TLE7: variants seen among roughly 807,000 people sequenced by gnomAD.
TLE7 encodes transducin-like enhancer protein 7.
At chr16:71,432,038 G>A (rs1342935618) in intron 5 of TLE7, 36 bp from the exon 6 acceptor site, 1 of 400,732 alleles carries the variant, frequency 2.5e-6, no homozygotes, top group Non-Finnish European at 4.4e-6. Context: ...TATCCCCTTG[G>A]GGCACCGAAC....
At chr16:71,438,440 A>AAG (rs57186187) in intron 1 of TLE7, among the ~76,000 whole-genome samples, 15,673 of 128,586 alleles carry the variant, frequency 0.12, 1,443 homozygotes, top group African/African-American at 0.16. Context: ...AAAAAAAAAA[A>AAG]AGAGAGAGAG....
chr16:71,431,158 T>C lies in TLE7; in HGVS notation c.1110A>G (p.Lys370=). The change falls in exon 8 of 10, where the codon AAA becomes AAG. Residue 370 remains lysine, a synonymous_variant. Coordinates refer to ENST00000561754, the MANE Select transcript of TLE7 (RefSeq NM_001367365.2). This position sits in a 1 kb window ranked among gnomAD's most constrained non-coding sequence, Gnocchi z 4.5. ...RNEQFKALMK[K]YTRHHSLKFA... ...ACTTGAGGCTGTGGTGGCGGGTGTA[T>C]TTTTTCATGAGAGCCTTAAACTGCT... The C allele has an allele frequency of 2.5e-6, 1 of 400,730 alleles. No individual in the cohort carries two copies. The highest frequency in any genetic ancestry group is 4.4e-6 in the Non-Finnish European group (1 of 226,242). The allele number at this position is 400,730 out of a possible 1,614,324, so 24.8% of individuals were successfully genotyped here. A position where few individuals can be genotyped will look rare whatever the true frequency, so the allele number is the denominator to read the frequency against.
intron 1 of TLE7, among the ~76,000 whole-genome samples, chr16:71,441,088 C>T (rs2042845960): frequency 6.6e-6 from 1 of 152,206 alleles, no homozygotes; most frequent in Admixed American, 6.5e-5. Context: ...GTCCTGGGTC[C>T]ATCTCTTATC....
intron 4 of TLE7, 48 bp downstream of exon 4, chr16:71,432,617 G>A (rs2042810571): frequency 2.5e-6 from 1 of 398,700 alleles, no homozygotes; most frequent in Non-Finnish European, 4.4e-6. Context: ...TTCTTGATTG[G>A]GGGTAGGTGG....
At chr16:71,434,552 G>A (rs2042819062) in intron 1 of TLE7, among the ~76,000 whole-genome samples, 1 of 152,174 alleles carries the variant, frequency 6.6e-6, no homozygotes, top group African/African-American at 2.4e-5. Context: ...CCAGGGTGGG[G>A]GCCCAGGCTA....
At chr16:71,436,425 A>C (rs957017007) in intron 1 of TLE7, among the ~76,000 whole-genome samples, 4 of 152,206 alleles carry the variant, frequency 2.6e-5, no homozygotes, top group African/African-American at 9.6e-5. Context: ...CCGCTGAGCC[A>C]AGCTGCTGCT....
chr16:71,436,896 T>C lies in TLE7; in HGVS notation c.-96-3476A>G, dbSNP rs144205086. The stretch of plus-strand genomic sequence containing the variant: ...GCACACATCAAATCCCCTGGAGGCC[T>C]TGTTAAAAGTGTGGTGGACCCACTC... On this transcript the variant is annotated intron_variant, in intron 1 of 9. Transcript: ENST00000561754. 5.9e-3 allele frequency among the ~76,000 whole-genome samples: 896 copies of C among 152,330 alleles called. 15 individuals are homozygous for C. The highest frequency in any genetic ancestry group is 0.019 in the African/African-American group (805 of 41,580).
chr16:71,431,707 C>T lies in TLE7; in HGVS notation c.851+54G>A, dbSNP rs2042804646. On this transcript the variant is annotated intron_variant, in intron 6 of 9. Coordinates refer to ENST00000561754, the MANE Select transcript of TLE7 (RefSeq NM_001367365.2). The surrounding 1 kb of genome is among the most constrained non-coding windows in gnomAD (Gnocchi z 4.5). ...CTAATGCAAAGAGGGGAAAGAGCCT[C>T]ACTGGCAAGCCCTCCCCCAGGTACA... 1 of 400,542 alleles carries T rather than the reference C, an allele frequency of 2.5e-6. No individual in the cohort carries two copies. Among genetic ancestry groups the T allele is most frequent in the Admixed American group, 4.4e-5 (1 of 22,736 alleles). The allele number at this position is 400,542 out of a possible 1,614,324, so 24.8% of individuals were successfully genotyped here. A position where few individuals can be genotyped will look rare whatever the true frequency, so the allele number is the denominator to read the frequency against.
intron 1 of TLE7, among the ~76,000 whole-genome samples, chr16:71,437,979 A>G (rs138050454): frequency 9.8e-5 from 15 of 152,334 alleles, no homozygotes; most frequent in Middle Eastern, 3.4e-3. Context: ...CCAGACCCCA[A>G]GAGTCTTGGA....
chr16:71,441,342 C>G (rs1445907004), intron 1 of TLE7, among the ~76,000 whole-genome samples: 1 of 152,270 alleles, frequency 6.6e-6, no homozygotes, highest in Non-Finnish European at 1.5e-5. Context: ...GCCTCGGCCT[C>G]CCACAGTGCT....
chr16:71,434,974 A>T (rs1409829492), intron 1 of TLE7, among the ~76,000 whole-genome samples: 1 of 152,226 alleles, frequency 6.6e-6, no homozygotes, highest in East Asian at 1.9e-4. Flanking sequence ...GTTTGTTATA[A>T]CCTTTGCAGA....
At chr16:71,437,219 C>T (rs1448244615) in intron 1 of TLE7, among the ~76,000 whole-genome samples, 6 of 151,914 alleles carry the variant, frequency 3.9e-5, no homozygotes, top group Admixed American at 2.0e-4. Flanking sequence ...CATGATGGTG[C>T]GTGCCTGTAA....
chr16:71,440,909 G>A lies in TLE7; in HGVS notation c.-97+1060C>T, dbSNP rs140200325. On this transcript the variant is annotated intron_variant, in intron 1 of 9. Coordinates refer to ENST00000561754, the MANE Select transcript of TLE7 (RefSeq NM_001367365.2). The stretch of plus-strand genomic sequence containing the variant: ...ACCTCCTCCCTCACTGTCACGGGGA[G>A]CCCCAACTCCCCATTCCTTGCCAAG... 2.4e-3 allele frequency among the ~76,000 whole-genome samples: 359 copies of A among 152,244 alleles called. 1 individual carries two copies. Among genetic ancestry groups the A allele is most frequent in the African/African-American group, 8.2e-3 (342 of 41,540 alleles).
intron 1 of TLE7, among the ~76,000 whole-genome samples, chr16:71,440,371 G>A (rs889563547): frequency 2.6e-5 from 4 of 152,126 alleles, no homozygotes; most frequent in South Asian, 2.1e-4. Context: ...CCAGCTACTC[G>A]GGAGGCTGAG....
At position 71,431,937 on chromosome 16, in the gene TLE7, A is replaced by AC; in HGVS notation, c.674dup (p.Ala226CysfsTer35). 1 of 400,488 alleles carries AC rather than the reference A, an allele frequency of 2.5e-6. No individual in the cohort carries two copies. The highest frequency in any genetic ancestry group is 4.4e-6 in the Non-Finnish European group (1 of 226,238). The allele number at this position is 400,488 out of a possible 1,614,324, so 24.8% of individuals were successfully genotyped here. On this transcript the variant is annotated frameshift_variant, in exon 6 of 10. Coordinates refer to ENST00000561754, the MANE Select transcript of TLE7 (RefSeq NM_001367365.2). LOFTEE classifies it high-confidence loss of function. This position sits in a 1 kb window ranked among gnomAD's most constrained non-coding sequence, Gnocchi z 4.5. ...CCCAGAGAGTCACGGCCTGGGACGC[A>AC]CCCCCTGTGATCAGGCTCCGCTCAT... is the stretch of plus-strand genomic sequence containing the variant.
Sources: gnomAD v4.1 joint callset for allele counts (sites outside exome capture counted in the v4.1 genomes callset) on GRCh38, gnomAD v4.1.1 for gene constraint, Gnocchi (gnomAD v3.1) non-coding constraint, MANE v1.5 for transcripts, NCBI Gene and HGNC (gene_info 2026-07-23, HGNC 2026-07-21) for gene names.